Variants in UBTD1 observed in about 807,000 individuals in gnomAD.
The protein encoded by UBTD1 is ubiquitin domain containing 1.
Under a neutral mutation model 21.7 loss-of-function variants are expected in UBTD1, and 19 were observed. The observed-to-expected ratio is 0.87, with a 90% CI of 0.61 to 1.28. The LOEUF (loss-of-function observed/expected upper bound fraction) is 1.28. Ranked by LOEUF, UBTD1 falls within the 50% of genes most tolerant of loss-of-function variation. The pLI is 0.00. For synonymous variants in UBTD1, 116 were observed against 135.1 expected (o/e 0.86, Z 0.98); for missense variants, 282 against 315.1 (o/e 0.89, Z 0.80).
chr10:97,533,899 C>G (rs7911122), intron 1 of UBTD1, among the ~76,000 whole-genome samples: 1 of 148,296 alleles, frequency 6.7e-6, no homozygotes, highest in Non-Finnish European at 1.5e-5. Context: ...CTGAAGCCTG[C>G]GTGACAAAGC....
chr10:97,540,676 C>A (rs989357190), intron 1 of UBTD1, among the ~76,000 whole-genome samples: 1 of 152,178 alleles, frequency 6.6e-6, no homozygotes, highest in African/African-American at 2.4e-5. Flanking sequence ...AAGTGCAGAG[C>A]CAGGGTTCTC....
intron 1 of UBTD1, among the ~76,000 whole-genome samples, chr10:97,556,307 C>T (rs1443797233): frequency 7.0e-6 from 1 of 143,774 alleles, no homozygotes; most frequent in Non-Finnish European, 1.5e-5. Context: ...TGCCTGTGAT[C>T]ATCTATGTGT....
chr10:97,567,850 G>A (rs1185009300), intron 1 of UBTD1, 64 bp from the exon 2 acceptor site: 5 of 1,523,892 alleles, frequency 3.3e-6, no homozygotes, highest in Non-Finnish European at 3.6e-6. Flanking sequence ...GGAGGGGAGG[G>A]GGAGGGCAGG....
At chr10:97,545,337 T>C (rs1334365246) in intron 1 of UBTD1, among the ~76,000 whole-genome samples, 2 of 78,366 alleles carry the variant, frequency 2.6e-5, no homozygotes, top group African/African-American at 6.8e-5. Flanking sequence ...AGACTCCGTC[T>C]CAAAAAAAAA....
At chr10:97,558,335 C>T (rs565408951) in intron 1 of UBTD1, among the ~76,000 whole-genome samples, 1 of 152,304 alleles carries the variant, frequency 6.6e-6, no homozygotes, top group East Asian at 1.9e-4. Flanking sequence ...GTTAGTCTAG[C>T]ATTCGTTAGC....
intron 1 of UBTD1, among the ~76,000 whole-genome samples, chr10:97,545,394 GT>G (rs1454110950): frequency 8.7e-4 from 75 of 86,092 alleles, no homozygotes; most frequent in African/African-American, 2.5e-3. Flanking sequence ...GCTCGTGTGT[GT>G]GTGTGTGTGT....
chr10:97,502,776 G>C (rs1307393808), intron 1 of UBTD1, among the ~76,000 whole-genome samples: 1 of 151,908 alleles, frequency 6.6e-6, no homozygotes, highest in Admixed American at 6.6e-5. Context: ...TTAGGGAGAA[G>C]GGAGAGGTCC....
At chr10:97,548,354 T>G (rs959585263) in intron 1 of UBTD1, among the ~76,000 whole-genome samples, 1 of 152,168 alleles carries the variant, frequency 6.6e-6, no homozygotes, top group Non-Finnish European at 1.5e-5. Flanking sequence ...GTGGCAAAGA[T>G]GAGAGTGTGT....
In UBTD1 at chr10:97,499,171, C is replaced by A; in HGVS notation, c.-33C>A. On this transcript the variant is annotated 5_prime_UTR_variant, in exon 1 of 3. Transcript: ENST00000370664. Reference sequence around the variant, plus strand: ...GCTGAGCAGCCGACCACCCCGCCGCCTCCGGTGCATGGGGACTGGCTGAGG... The same window carrying A: ...GCTGAGCAGCCGACCACCCCGCCGCATCCGGTGCATGGGGACTGGCTGAGG... The A allele has an allele frequency of 6.6e-7, 1 of 1,512,348 alleles. No homozygotes were observed. Among genetic ancestry groups the A allele is most frequent in the Non-Finnish European group, 8.9e-7 (1 of 1,126,914 alleles). The allele number at this position is 1,512,348 out of a possible 1,614,324, so 93.7% of individuals were successfully genotyped here.
At chr10:97,548,034 A>G (rs1252930093) in intron 1 of UBTD1, among the ~76,000 whole-genome samples, 1 of 152,180 alleles carries the variant, frequency 6.6e-6, no homozygotes, top group African/African-American at 2.4e-5. Context: ...CAGCAGTCCC[A>G]TGAGGTGGGA....
At chr10:97,559,002 G>A (rs139435157) in intron 1 of UBTD1, among the ~76,000 whole-genome samples, 2 of 152,148 alleles carry the variant, frequency 1.3e-5, no homozygotes, top group Non-Finnish European at 2.9e-5. Flanking sequence ...ATACCACCAC[G>A]CATCCGCTCG....
intron 1 of UBTD1, among the ~76,000 whole-genome samples, chr10:97,532,899 G>A (rs979911583): frequency 2.0e-5 from 3 of 152,042 alleles, no homozygotes; most frequent in Non-Finnish European, 4.4e-5. Context: ...GGTGTGTCTC[G>A]GGCCCCTACC....
intron 1 of UBTD1, among the ~76,000 whole-genome samples, chr10:97,518,832 G>T (rs2040455306): frequency 6.6e-6 from 1 of 152,218 alleles, no homozygotes; most frequent in South Asian, 2.1e-4. Flanking sequence ...ACACTTAGAA[G>T]TACTTCCCAT....
At chr10:97,522,908 C>T (rs937364989) in intron 1 of UBTD1, among the ~76,000 whole-genome samples, 4 of 152,190 alleles carry the variant, frequency 2.6e-5, no homozygotes, top group African/African-American at 2.4e-5. Context: ...CTCCTGCCTG[C>T]GTCTCCTTTA....
intron 1 of UBTD1, among the ~76,000 whole-genome samples, chr10:97,549,867 C>T (rs1023937219): frequency 1.5e-4 from 23 of 152,240 alleles, no homozygotes; most frequent in Non-Finnish European, 2.4e-4. Context: ...CTAAGTCTAA[C>T]TATAAATATC....
chr10:97,532,704 C>A (rs748975323), intron 1 of UBTD1, among the ~76,000 whole-genome samples: 1 of 152,014 alleles, frequency 6.6e-6, no homozygotes, highest in Admixed American at 6.6e-5. Flanking sequence ...GCAGGAGAAT[C>A]GCTTGAGTCC....
At chr10:97,561,469 C>A (rs2040692428) in intron 1 of UBTD1, among the ~76,000 whole-genome samples, 1 of 152,104 alleles carries the variant, frequency 6.6e-6, no homozygotes, top group South Asian at 2.1e-4. Context: ...TAAGGGCTCA[C>A]AACACTAAAG....
chr10:97,535,710 G>A (rs2040557077), intron 1 of UBTD1, among the ~76,000 whole-genome samples: 1 of 151,884 alleles, frequency 6.6e-6, no homozygotes, highest in Non-Finnish European at 1.5e-5. Flanking sequence ...GAAGCCAGGA[G>A]TTTGAGATCA....
At chr10:97,525,032 A>G (rs2040482200) in intron 1 of UBTD1, among the ~76,000 whole-genome samples, 1 of 152,226 alleles carries the variant, frequency 6.6e-6, no homozygotes, top group African/African-American at 2.4e-5. Flanking sequence ...TCACTACAGA[A>G]GATGGAGAGT....
Sources: allele counts gnomAD v4.1 joint callset (sites outside exome capture counted in the v4.1 genomes callset), GRCh38; gene constraint gnomAD v4.1.1; transcripts MANE v1.5; gene names NCBI Gene and HGNC (gene_info 2026-07-23, HGNC 2026-07-21).